TRPM3: variants seen among roughly 807,000 people sequenced by gnomAD.
The protein encoded by TRPM3 is long transient receptor potential channel 3.
TRPM3 carries 77 observed loss-of-function variants against 181.2 expected under a neutral mutation model. The ratio of observed to expected loss-of-function variants is 0.42; its 90% CI spans 0.35 to 0.51. The LOEUF (loss-of-function observed/expected upper bound fraction) is 0.51, where lower values mean the gene tolerates loss of function less well. Among genes scored for constraint, TRPM3 ranks in the 20% least tolerant of loss-of-function variants. The pLI is 0.01. For synonymous variants in TRPM3, 745 were observed against 796.4 expected (o/e 0.94, Z 1.09); for missense variants, 1,759 against 2,196.7 (o/e 0.80, Z 3.98).
intron 1 of TRPM3, among the ~76,000 whole-genome samples, chr9:70,944,968 A>G (rs1240097701): frequency 6.6e-6 from 1 of 151,848 alleles, no homozygotes; most frequent in Non-Finnish European, 1.5e-5. Context: ...TTTACATTTT[A>G]CATTAAGTAT....
chr9:71,026,654 G>A (rs1363805777), intron 1 of TRPM3, among the ~76,000 whole-genome samples: 2 of 152,092 alleles, frequency 1.3e-5, no homozygotes, highest in Admixed American at 1.3e-4. Context: ...GCACTGGTGG[G>A]CTCGAAGCCC....
At chr9:70,854,270 T>C (rs2095326009) in intron 3 of TRPM3, among the ~76,000 whole-genome samples, 1 of 152,164 alleles carries the variant, frequency 6.6e-6, no homozygotes, top group Non-Finnish European at 1.5e-5. Context: ...GATGTGGTGC[T>C]CCCATTTACA....
intron 1 of TRPM3, among the ~76,000 whole-genome samples, chr9:70,954,792 C>A (rs746462290): frequency 2.9e-4 from 44 of 149,978 alleles, no homozygotes; most frequent in Non-Finnish European, 5.2e-4. Flanking sequence ...CATACATCCT[C>A]GGGGAGAAGG....
At position 71,238,431 on chromosome 9, in the gene TRPM3, T is replaced by C. The variant is rs189792717; in HGVS notation, c.183+208222A>G. Among the ~76,000 whole-genome samples, 26 of 152,234 alleles carry C rather than the reference T, an allele frequency of 1.7e-4. No individual in the cohort carries two copies. In the East Asian group the frequency reaches 4.8e-3, roughly 28 times the overall value. ...GTGGAGCCAGGCTATGGTGCCCCCC[T>C]ACTTTATTTTAGGGAGCCCTCAGTT... On this transcript the variant is annotated intron_variant, in intron 1 of 24. Transcript: ENST00000357533.
chr9:70,761,351 A>C, intron 8 of TRPM3: 2 of 638,442 alleles, frequency 3.1e-6, no homozygotes, highest in Non-Finnish European at 5.7e-6. Flanking sequence ...TGAGGCAGTC[A>C]GAGCGTTTGG....
At chr9:70,686,686 T>TTCCTTCC (rs2066913165) in intron 8 of TRPM3, among the ~76,000 whole-genome samples, 6 of 58,866 alleles carry the variant, frequency 1.0e-4, no homozygotes, top group East Asian at 1.2e-3. Flanking sequence ...TCCTTCCTTC[T>TTCCTTCC]TTCCTTCCTT....
intron 1 of TRPM3, among the ~76,000 whole-genome samples, chr9:71,232,506 T>C (rs1206580836): frequency 1.5e-5 from 2 of 136,274 alleles, no homozygotes; most frequent in African/African-American, 2.8e-5. Context: ...TTTTTTTTTT[T>C]TTTTTTTTTT....
intron 1 of TRPM3, among the ~76,000 whole-genome samples, chr9:71,282,392 GAAAGAAAGGA>G (rs1344802890): frequency 2.4e-5 from 3 of 122,958 alleles, no homozygotes; most frequent in South Asian, 2.3e-4. Flanking sequence ...AGAAAGGAAA[GAAAGAAAGGA>G]AAAGAAAGAA....
intron 1 of TRPM3, among the ~76,000 whole-genome samples, chr9:71,321,660 T>A (rs1037109276): frequency 6.6e-6 from 1 of 152,134 alleles, no homozygotes; most frequent in African/African-American, 2.4e-5. Flanking sequence ...TTCTGTGAGA[T>A]GAACTTCCTG....
chr9:71,111,407 C>G (rs936188816), intron 1 of TRPM3, among the ~76,000 whole-genome samples: 3 of 152,106 alleles, frequency 2.0e-5, no homozygotes, highest in African/African-American at 7.2e-5. Context: ...GGTGATTTTT[C>G]CCCTCGCCCC....
intron 1 of TRPM3, among the ~76,000 whole-genome samples, chr9:71,020,472 G>T (rs562737203): frequency 1.7e-3 from 249 of 143,588 alleles, no homozygotes; most frequent in African/African-American, 6.2e-3. Flanking sequence ...GCAAGACCCC[G>T]TCTTGAAAAA....
rs144668023 is a variant in TRPM3 at position 70,806,690 on chromosome 9, AAAAATAAAATAAAAT to A, written c.973+21142_973+21156del. ...GGGTGACAGAGCTAGACTCCGTCTC[AAAAATAAAATAAAAT>A]AAAATAAAATAAAATAAAAAGAAAA... On this transcript the variant is annotated intron_variant, in intron 6 of 25. Transcript: ENST00000677713. 3.2e-4 allele frequency among the ~76,000 whole-genome samples: 48 copies of A among 148,854 alleles called. 2 individuals carry two copies. In the South Asian group the frequency reaches 9.7e-3, roughly 30 times the overall value.
chr9:71,443,916 C>T (rs778171130), intron 1 of TRPM3, among the ~76,000 whole-genome samples: 1 of 152,174 alleles, frequency 6.6e-6, no homozygotes, highest in Non-Finnish European at 1.5e-5. Context: ...CACGGTGGCT[C>T]ATACCTGTAA....
chr9:70,862,286 G>C (rs1196052515), intron 3 of TRPM3, among the ~76,000 whole-genome samples: 1 of 152,072 alleles, frequency 6.6e-6, no homozygotes, highest in East Asian at 1.9e-4. Context: ...AAATTTAAAA[G>C]CAAAAACTCT....
chr9:71,042,742 A>G (rs2058974767), intron 1 of TRPM3, among the ~76,000 whole-genome samples: 1 of 152,112 alleles, frequency 6.6e-6, no homozygotes, highest in South Asian at 2.1e-4. Context: ...TTCTCTTTTT[A>G]CCCAGGTAAG....
intron 1 of TRPM3, among the ~76,000 whole-genome samples, chr9:71,184,222 A>G (rs1355754775): frequency 1.3e-5 from 2 of 152,132 alleles, no homozygotes; most frequent in Admixed American, 6.6e-5. Flanking sequence ...GCTCTCAAAC[A>G]TACCATATGG....
chr9:70,906,156 A>G (rs1243973088), intron 1 of TRPM3, among the ~76,000 whole-genome samples: 1 of 152,156 alleles, frequency 6.6e-6, no homozygotes, highest in East Asian at 1.9e-4. Context: ...TAATTTTGCT[A>G]AATTTTTATT....
At chr9:70,638,952 A>T (rs183279402) in intron 11 of TRPM3, 108 bp downstream of exon 11, 2 of 1,256,232 alleles carry the variant, frequency 1.6e-6, no homozygotes, top group East Asian at 4.8e-5. Flanking sequence ...TGAATGAACC[A>T]TGCATTTGGA....
chr9:71,373,799 C>A (rs950903322), intron 1 of TRPM3, among the ~76,000 whole-genome samples: 1 of 152,144 alleles, frequency 6.6e-6, no homozygotes, highest in South Asian at 2.1e-4. Flanking sequence ...CATCCTGATA[C>A]CAAAACCTGG....
Sources: gnomAD v4.1 joint callset for allele counts (sites outside exome capture counted in the v4.1 genomes callset) on GRCh38, gnomAD v4.1.1 for gene constraint, MANE v1.5 for transcripts, NCBI Gene and HGNC (gene_info 2026-07-23, HGNC 2026-07-21) for gene names.